CAMK2B: variants seen among roughly 807,000 people sequenced by gnomAD.
CAMK2B encodes the protein calcium/calmodulin-dependent protein kinase type II subunit beta.
Under a neutral mutation model 93.7 loss-of-function variants are expected in CAMK2B, and 27 were observed. The ratio of observed to expected loss-of-function variants is 0.29; its 90% CI spans 0.21 to 0.40. The LOEUF is 0.40. Ranked by LOEUF, CAMK2B falls within the 10% of genes least tolerant of loss-of-function variation. CAMK2B has a pLI of 1.00. For synonymous variants in CAMK2B, 374 were observed against 358.8 expected (o/e 1.04, Z -0.48); for missense variants, 568 against 895.8 (o/e 0.63, Z 4.67).
chr7:44,275,095 A>G (rs1046070356), intron 2 of CAMK2B, among the ~76,000 whole-genome samples: 72 of 152,316 alleles, frequency 4.7e-4, no homozygotes, highest in African/African-American at 1.6e-3. Context: ...GAAATGCGGA[A>G]GGACGCAAAG....
intron 19 of CAMK2B, among the ~76,000 whole-genome samples, chr7:44,228,205 C>G (rs1342127226): frequency 2.0e-5 from 3 of 151,980 alleles, no homozygotes; most frequent in African/African-American, 7.3e-5. Context: ...GAGGCCTGGC[C>G]TGGCCCCATG....
chr7:44,289,798 C>A (rs1182414183), intron 1 of CAMK2B, among the ~76,000 whole-genome samples: 1 of 152,242 alleles, frequency 6.6e-6, no homozygotes, highest in Non-Finnish European at 1.5e-5. Flanking sequence ...TGCTGAGCTC[C>A]CGCAGGGCAG....
At chr7:44,252,360 CAG>C (rs1167873821) in intron 5 of CAMK2B, among the ~76,000 whole-genome samples, 1 of 151,856 alleles carries the variant, frequency 6.6e-6, no homozygotes, top group Non-Finnish European at 1.5e-5. Context: ...CTAAACCACA[CAG>C]GGGGCCAAGA....
At chr7:44,285,961 T>C (rs554102399) in intron 1 of CAMK2B, among the ~76,000 whole-genome samples, 64 of 152,088 alleles carry the variant, frequency 4.2e-4, no homozygotes, top group Non-Finnish European at 8.1e-4. Flanking sequence ...TGTGCATCAG[T>C]TACGTTCTCA....
chr7:44,277,538 G>T (rs2097059065), intron 2 of CAMK2B, among the ~76,000 whole-genome samples: 1 of 152,106 alleles, frequency 6.6e-6, no homozygotes, highest in African/African-American at 2.4e-5. Context: ...GACCAAGGCC[G>T]CCCTGCTCGG....
chr7:44,253,511 C>A (rs1177669115), intron 5 of CAMK2B, among the ~76,000 whole-genome samples: 1 of 152,206 alleles, frequency 6.6e-6, no homozygotes, highest in Non-Finnish European at 1.5e-5. Context: ...CCACGCACGG[C>A]CTAAAAAGAG....
intron 1 of CAMK2B, among the ~76,000 whole-genome samples, chr7:44,310,040 C>T (rs1793101464): frequency 6.6e-6 from 1 of 152,256 alleles, no homozygotes; most frequent in Non-Finnish European, 1.5e-5. Flanking sequence ...GCTCACCAAG[C>T]CACGCGCGGA....
At chr7:44,268,917 C>T (rs1236055483) in intron 2 of CAMK2B, 3 of 152,306 alleles carry the variant, frequency 2.0e-5, no homozygotes, top group Non-Finnish European at 4.4e-5. Context: ...AGGCATTAAC[C>T]TATTTCATTC....
intron 1 of CAMK2B, among the ~76,000 whole-genome samples, chr7:44,299,897 A>C (rs1053620667): frequency 1.2e-4 from 19 of 152,236 alleles, no homozygotes; most frequent in African/African-American, 4.6e-4. Context: ...TATATGTTAC[A>C]TATAATTTTG....
At chr7:44,310,598 T>G (rs973842904) in intron 1 of CAMK2B, among the ~76,000 whole-genome samples, 1 of 152,118 alleles carries the variant, frequency 6.6e-6, no homozygotes, top group African/African-American at 2.4e-5. Context: ...ATGAGCAAAA[T>G]GCACACAATG....
At position 44,224,911 on chromosome 7, in the gene CAMK2B, C is replaced by CTCT. The variant is rs1398565529; in HGVS notation, c.1597+1602_1597+1604dup. Among the ~76,000 whole-genome samples, 1 of 152,094 alleles carries CTCT rather than the reference C, an allele frequency of 6.6e-6. No individual in the cohort carries two copies. Among genetic ancestry groups the CTCT allele is most frequent in the Non-Finnish European group, 1.5e-5 (1 of 67,994 alleles). ...AGGTGCCCCCAGGGCAGTACCCAGA[C>CTCT]TCTTCCTTTCCCTGAGTTCCGGAAC... On this transcript the variant is annotated intron_variant, in intron 20 of 23. Transcript: ENST00000395749. This position sits in a 1 kb window ranked among gnomAD's most constrained non-coding sequence, Gnocchi z 4.4.
chr7:44,273,038 A>C (rs993526201), intron 2 of CAMK2B, among the ~76,000 whole-genome samples: 1 of 152,216 alleles, frequency 6.6e-6, no homozygotes, highest in Non-Finnish European at 1.5e-5. Context: ...TGAACAGCCT[A>C]GCTTCATGTC....
At chr7:44,221,484 G>T (rs929833167) in intron 20 of CAMK2B, among the ~76,000 whole-genome samples, 2 of 149,892 alleles carry the variant, frequency 1.3e-5, no homozygotes, top group African/African-American at 5.1e-5. Context: ...GGAAGCAGCA[G>T]GGGGCGGCCA....
At chr7:44,276,427 C>CT (rs1369501504) in intron 2 of CAMK2B, among the ~76,000 whole-genome samples, 1 of 151,948 alleles carries the variant, frequency 6.6e-6, no homozygotes, top group Non-Finnish European at 1.5e-5. Flanking sequence ...GGAGGCAGCA[C>CT]CCCCCCGCCA....
intron 1 of CAMK2B, among the ~76,000 whole-genome samples, chr7:44,319,304 CATTGCACA>C: frequency 6.6e-6 from 1 of 152,142 alleles, no homozygotes; most frequent in Admixed American, 6.6e-5. Context: ...CAGGGACAGA[CATTGCACA>C]CTTATCTCCA....
chr7:44,242,605 C>T lies in CAMK2B; in HGVS notation c.651G>A (p.Glu217=), dbSNP rs56291919. 7.6e-4 allele frequency: 1,218 copies of T among 1,612,564 alleles called. 9 individuals are homozygous for T. In the African/African-American group the frequency reaches 0.014, roughly 19 times the overall value. Residue 217 remains glutamate, a synonymous_variant, in exon 9 of 24, where the codon GAG becomes GAA. Transcript: ENST00000395749. ...LLVGYPPFWD[E]DQHKLYQQIK... is the part of the protein sequence containing the mutation. ...TCTGCTGGTACAGCTTGTGCTGGTCCTCGTCCCAGAAGGGTGGGTAGCCCA... is the reference window on the plus strand; with the variant it reads ...TCTGCTGGTACAGCTTGTGCTGGTCTTCGTCCCAGAAGGGTGGGTAGCCCA...
intron 20 of CAMK2B, among the ~76,000 whole-genome samples, chr7:44,223,784 C>T (rs1391439025): frequency 1.3e-5 from 2 of 152,160 alleles, no homozygotes; most frequent in Non-Finnish European, 2.9e-5. Context: ...GGCTGCCTGG[C>T]TCTGCCCTCC....
intron 2 of CAMK2B, among the ~76,000 whole-genome samples, chr7:44,278,896 G>C (rs887768218): frequency 2.6e-5 from 4 of 152,228 alleles, no homozygotes; most frequent in Admixed American, 6.5e-5. Flanking sequence ...GAGTTCTGAG[G>C]CTCCACTGTG....
intron 1 of CAMK2B, among the ~76,000 whole-genome samples, chr7:44,305,753 G>C (rs2115659209): frequency 6.6e-6 from 1 of 152,324 alleles, no homozygotes; most frequent in South Asian, 2.1e-4. Context: ...TGCCGTCTTG[G>C]CTCACTCCAT....
Sources: gnomAD v4.1 joint callset for allele counts (sites outside exome capture counted in the v4.1 genomes callset) on GRCh38, gnomAD v4.1.1 for gene constraint, Gnocchi (gnomAD v3.1) non-coding constraint, MANE v1.5 for transcripts, NCBI Gene and HGNC (gene_info 2026-07-23, HGNC 2026-07-21) for gene names.